Variants in GNA11 observed in about 807,000 individuals in gnomAD.
The protein encoded by GNA11 is G protein subunit alpha 11, also known as guanine nucleotide-binding protein subunit alpha-11.
A neutral mutation model predicts 38.2 loss-of-function variants in GNA11; 8 were observed. The observed-to-expected ratio is 0.21, with a 90% CI of 0.12 to 0.38. The LOEUF (loss-of-function observed/expected upper bound fraction) is 0.38. Ranked by LOEUF, GNA11 falls within the 10% of genes least tolerant of loss-of-function variation. The pLI, the probability that GNA11 is intolerant of heterozygous loss-of-function variation, is 1.00. For synonymous variants in GNA11, 211 were observed against 221.4 expected, an observed-to-expected ratio of 0.95 and a Z score of 0.42; for missense variants, 268 against 516.3, an observed-to-expected ratio of 0.52 and a Z score of 4.66.
At chr19:3,095,054 C>T (rs1286039632) in intron 1 of GNA11, among the ~76,000 whole-genome samples, 2 of 151,344 alleles carry the variant, frequency 1.3e-5, no homozygotes, top group Non-Finnish European at 3.0e-5. Context: ...TCTGGGTCGG[C>T]TCGGGACCCT....
At chr19:3,101,556 G>T (rs769507831) in intron 1 of GNA11, among the ~76,000 whole-genome samples, 3 of 158 alleles carry the variant, frequency 0.019, no homozygotes, top group Admixed American at 0.12. Context: ...TGTCTGGAGA[G>T]GGGGCCTGGG....
intron 3 of GNA11, among the ~76,000 whole-genome samples, chr19:3,114,480 G>A (rs1913855725): frequency 6.6e-6 from 1 of 152,176 alleles, no homozygotes; most frequent in Non-Finnish European, 1.5e-5. Flanking sequence ...GAGCAGCAGG[G>A]AGACGGGCAC....
intron 1 of GNA11, among the ~76,000 whole-genome samples, chr19:3,095,368 C>G (rs1913337904): frequency 6.6e-6 from 1 of 152,124 alleles, no homozygotes; most frequent in South Asian, 2.1e-4. Flanking sequence ...ACCGGAGTAC[C>G]CACCCCTCGC....
rs940797649 is a variant in GNA11 at position 3,119,887 on chromosome 19, C to G, written c.889+528C>G. 1.7e-4 allele frequency among the ~76,000 whole-genome samples: 26 copies of G among 152,044 alleles called. No individual in the cohort carries two copies. Among genetic ancestry groups the G allele is most frequent in the Non-Finnish European group, 5.9e-5 (4 of 67,976 alleles). On this transcript the variant is annotated intron_variant, in intron 6 of 6. Coordinates refer to ENST00000078429, the MANE Select transcript of GNA11 (RefSeq NM_002067.5). This position sits in a 1 kb window ranked among gnomAD's most constrained non-coding sequence, Gnocchi z 4.6. Reference sequence around the variant, plus strand: ...CCCCCACCCTCGGACCCGTCCCTCCCTACGTGGCCCCTGCCCCACGGGGTG... The same window carrying G: ...CCCCCACCCTCGGACCCGTCCCTCCGTACGTGGCCCCTGCCCCACGGGGTG...
intron 1 of GNA11, among the ~76,000 whole-genome samples, chr19:3,101,336 A>G (rs1913501489): frequency 6.6e-6 from 1 of 152,056 alleles, no homozygotes. Context: ...GGCCAGGTCC[A>G]CACTGTGGGA....
chr19:3,117,640 C>T (rs1230823767), intron 4 of GNA11: 4 of 152,504 alleles, frequency 2.6e-5, no homozygotes, highest in African/African-American at 9.6e-5. Context: ...CCTCGGCCTC[C>T]CAAAGTGCTG....
In GNA11 at chr19:3,119,631, G is replaced by A. The variant is rs888349863; in HGVS notation, c.889+272G>A. ...TACAGGAGGGGTCTCGGGTGGGAGG[G>A]GTCTCGGGCAGGGGGATCTCGGGTG... On this transcript the variant is annotated intron_variant, in intron 6 of 6. Transcript: ENST00000078429. This position sits in a 1 kb window ranked among gnomAD's most constrained non-coding sequence, Gnocchi z 4.6. Among the ~76,000 whole-genome samples, 2 of 151,298 alleles carry A rather than the reference G, an allele frequency of 1.3e-5. No homozygotes were observed. The highest frequency in any genetic ancestry group is 2.4e-5 in the African/African-American group (1 of 41,126).
chr19:3,097,999 C>T (rs891478803), intron 1 of GNA11, among the ~76,000 whole-genome samples: 3 of 152,210 alleles, frequency 2.0e-5, no homozygotes, highest in African/African-American at 4.8e-5. Flanking sequence ...TGTGTGGTAG[C>T]GTACAACGTA....
Position 3,121,501 on chromosome 19 carries a change from A to T in GNA11, c.*322A>T, listed in dbSNP as rs1169989342. 4.1e-6 allele frequency: 1 copy of T among 243,804 alleles called. No homozygotes were observed. Among genetic ancestry groups the T allele is most frequent in the Non-Finnish European group, 8.0e-6 (1 of 125,260 alleles). 15.1% of individuals were successfully genotyped at this position (243,804 alleles called of 1,614,324 possible). On this transcript the variant is annotated 3_prime_UTR_variant, in exon 7 of 7. Coordinates refer to ENST00000078429, the MANE Select transcript of GNA11 (RefSeq NM_002067.5). The stretch of plus-strand genomic sequence containing the variant: ...AAAGAAAAAAAGCAACGAAACATAA[A>T]ACACACAAGCGCCCCGTGCCCCCAG...
Position 3,110,435 on chromosome 19 carries a change from C to T in GNA11, c.321+102C>T, listed in dbSNP as rs921079769. ...CAGGGTGGGGCCATGCCGGGGGTCC[C>T]GGCCGGCCCAGGCTACCCCTGGTCA... is the stretch of plus-strand genomic sequence containing the variant. On this transcript the variant is annotated intron_variant, in intron 2 of 6. Coordinates refer to ENST00000078429, the MANE Select transcript of GNA11 (RefSeq NM_002067.5). This position sits in a 1 kb window ranked among gnomAD's most constrained non-coding sequence, Gnocchi z 5.4. 4.0e-5 allele frequency: 37 copies of T among 932,964 alleles called. No homozygotes were observed. The highest frequency in any genetic ancestry group is 2.7e-4 in the Middle Eastern group (1 of 3,666). 57.8% of individuals were successfully genotyped at this position (932,964 alleles called of 1,614,324 possible). A position where few individuals can be genotyped will look rare whatever the true frequency, so the allele number is the denominator to read the frequency against.
intron 2 of GNA11, 98 bp from the exon 3 acceptor site, chr19:3,113,232 C>A: frequency 1.7e-6 from 2 of 1,204,698 alleles, no homozygotes; most frequent in Non-Finnish European, 2.4e-6. Flanking sequence ...GGAATGCCGC[C>A]CGGGCCAGCC....
chr19:3,097,523 C>T (rs1913402348), intron 1 of GNA11, among the ~76,000 whole-genome samples: 1 of 152,208 alleles, frequency 6.6e-6, no homozygotes, highest in Non-Finnish European at 1.5e-5. Flanking sequence ...GGGCCCTGCC[C>T]TGACTCCTGG....
At position 3,120,595 on chromosome 19, in the gene GNA11, T is replaced by C. The variant is rs1034245594; in HGVS notation, c.890-394T>C. The stretch of plus-strand genomic sequence containing the variant: ...TGGGTGGGGGCCACTGTTCCTGCTC[T>C]GTAGGCTCTGTGCCCAGCCCTGGGG... On this transcript the variant is annotated intron_variant, in intron 6 of 6. Transcript: ENST00000078429. The surrounding 1 kb of genome is among the most constrained non-coding windows in gnomAD (Gnocchi z 5.9). Among the ~76,000 whole-genome samples, 2 of 152,132 alleles carry C rather than the reference T, an allele frequency of 1.3e-5. No individual in the cohort carries two copies. The highest frequency in any genetic ancestry group is 2.9e-5 in the Non-Finnish European group (2 of 68,000).
At chr19:3,118,659 A>T in intron 4 of GNA11, 1 of 418,894 alleles carries the variant, frequency 2.4e-6, no homozygotes, top group East Asian at 3.7e-5. Context: ...CTGGGTTCTC[A>T]CACCCCCACA....
chr19:3,107,626 A>G (rs940662320), intron 1 of GNA11, among the ~76,000 whole-genome samples: 1 of 152,012 alleles, frequency 6.6e-6, no homozygotes, highest in African/African-American at 2.4e-5. Context: ...TTGTAATAGC[A>G]TTTTGTTAGA....
intron 3 of GNA11, among the ~76,000 whole-genome samples, chr19:3,114,502 G>A (rs1355634992): frequency 6.6e-6 from 1 of 152,150 alleles, no homozygotes; most frequent in Non-Finnish European, 1.5e-5. Context: ...GGGATCTGCT[G>A]GGACCTCTGC....
chr19:3,106,318 A>G (rs1314328115), intron 1 of GNA11, among the ~76,000 whole-genome samples: 2 of 152,192 alleles, frequency 1.3e-5, no homozygotes, highest in Non-Finnish European at 2.9e-5. Flanking sequence ...ACGCTGTGTG[A>G]CGGGAGGCGG....
At position 3,119,099 on chromosome 19, in the gene GNA11, C is replaced by A. The variant is rs539354791; in HGVS notation, c.735+46C>A. ...GGGCAGCGTTGGGGGCCGGGCCTTC[C>A]CCACCTGCCAAGCCTGGGTCCCCTC... is the stretch of plus-strand genomic sequence containing the variant. On this transcript the variant is annotated intron_variant, in intron 5 of 6. Transcript: ENST00000078429. The surrounding 1 kb of genome is among the most constrained non-coding windows in gnomAD (Gnocchi z 4.6). 1.2e-6 allele frequency: 2 copies of A among 1,607,964 alleles called. No individual in the cohort carries two copies. The highest frequency in any genetic ancestry group is 1.7e-6 in the Non-Finnish European group (2 of 1,175,332).
Position 3,120,054 on chromosome 19 carries a change from C to T in GNA11, c.889+695C>T. The stretch of plus-strand genomic sequence containing the variant: ...GTGCTGTCACCACTCAGAGCTGTCC[C>T]TGCCAGGCACAGTGAGGCCCTGGGC... On this transcript the variant is annotated intron_variant, in intron 6 of 6. Transcript: ENST00000078429. The surrounding 1 kb of genome is among the most constrained non-coding windows in gnomAD (Gnocchi z 5.9). 6.6e-6 allele frequency among the ~76,000 whole-genome samples: 1 copy of T among 152,102 alleles called. No individual in the cohort carries two copies. The highest frequency in any genetic ancestry group is 2.4e-5 in the African/African-American group (1 of 41,418).
Sources: gnomAD v4.1 joint callset for allele counts (sites outside exome capture counted in the v4.1 genomes callset) on GRCh38, gnomAD v4.1.1 for gene constraint, Gnocchi (gnomAD v3.1) non-coding constraint, MANE v1.5 for transcripts, NCBI Gene and HGNC (gene_info 2026-07-23, HGNC 2026-07-21) for gene names.